The following MYO5B variants were observed in gnomAD, a reference collection of about 807,000 sequenced individuals.
MYO5B encodes the protein myosin VB, also known as unconventional myosin-Vb.
A neutral mutation model predicts 229.3 loss-of-function variants in MYO5B; 143 were observed. The ratio of observed to expected loss-of-function variants is 0.62; its 90% CI spans 0.54 to 0.72. The LOEUF (loss-of-function observed/expected upper bound fraction) is 0.72. Among genes scored for constraint, MYO5B ranks in the 30% least tolerant of loss-of-function variants. MYO5B has a pLI of 0.00. For synonymous variants in MYO5B, 918 were observed against 885.2 expected (o/e 1.04, Z -0.66); for missense variants, 2,321 against 2,331.0 (o/e 1.00, Z 0.09).
chr18:49,950,061 C>G (rs1182399738), intron 14 of MYO5B, among the ~76,000 whole-genome samples: 2 of 152,182 alleles, frequency 1.3e-5, no homozygotes, highest in Non-Finnish European at 2.9e-5. Flanking sequence ...GATACAGCAA[C>G]AATCTTTGCT....
At chr18:49,855,384 AC>A (rs1454793093) in intron 30 of MYO5B, among the ~76,000 whole-genome samples, 2 of 152,014 alleles carry the variant, frequency 1.3e-5, no homozygotes, top group Admixed American at 1.3e-4. Context: ...AGAAACCAGG[AC>A]TCTTGATTCA....
intron 12 of MYO5B, among the ~76,000 whole-genome samples, chr18:49,961,428 T>C (rs1018090031): frequency 2.0e-5 from 3 of 152,238 alleles, no homozygotes; most frequent in African/African-American, 2.4e-5. Flanking sequence ...GCAACAAAAC[T>C]AGGAGAGCCC....
rs914358377 is a variant in MYO5B, at chr18:50,139,019, C to A, written c.27+55748G>T. Among the ~76,000 whole-genome samples, 7 of 152,340 alleles carry A rather than the reference C, an allele frequency of 4.6e-5. No homozygotes were observed. The East Asian group carries it at 9.7e-4, about 21-fold the overall frequency. Reference sequence around the variant, plus strand: ...TCAACTAATAAACAATCCAAGTTAACCCATGCCAGTTACCTTCCCCAGATA... The same window carrying A: ...TCAACTAATAAACAATCCAAGTTAAACCATGCCAGTTACCTTCCCCAGATA... On this transcript the variant is annotated intron_variant, in intron 1 of 39. Transcript: ENST00000285039.
chr18:50,187,725 CAG>C (rs1323541447), intron 1 of MYO5B, among the ~76,000 whole-genome samples: 2 of 152,128 alleles, frequency 1.3e-5, no homozygotes, highest in East Asian at 3.9e-4. Flanking sequence ...CTATGTTGTC[CAG>C]GCTAGTCTCG....
chr18:50,139,725 C>T (rs534647422), intron 1 of MYO5B, among the ~76,000 whole-genome samples: 2 of 152,300 alleles, frequency 1.3e-5, no homozygotes, highest in African/African-American at 4.8e-5. Flanking sequence ...CTTCTATCCA[C>T]ATGTCCCGAG....
chr18:50,012,885 A>T (rs59163993), intron 4 of MYO5B, among the ~76,000 whole-genome samples: 1 of 152,182 alleles, frequency 6.6e-6, no homozygotes, highest in African/African-American at 2.4e-5. Context: ...GTCCAACCAC[A>T]GGAGAGGCTG....
intron 22 of MYO5B, among the ~76,000 whole-genome samples, chr18:49,881,214 G>C (rs1054935060): frequency 1.3e-5 from 2 of 152,274 alleles, no homozygotes; most frequent in African/African-American, 2.4e-5. Flanking sequence ...TTGTTTGCCT[G>C]TCTTGCTAAA....
chr18:49,890,231 C>T (rs866358564), intron 22 of MYO5B, among the ~76,000 whole-genome samples: 5 of 152,228 alleles, frequency 3.3e-5, no homozygotes, highest in African/African-American at 9.7e-5. Flanking sequence ...AGCCAAATGG[C>T]CCCCACTTTG....
rs188539887 is a variant in MYO5B at position 50,108,638 on chromosome 18, C to T, written c.28-53260G>A. 8.6e-4 allele frequency among the ~76,000 whole-genome samples: 131 copies of T among 152,188 alleles called. No homozygotes were observed. The East Asian group carries it at 9.5e-3, about 11-fold the overall frequency. On this transcript the variant is annotated intron_variant, in intron 1 of 39. Coordinates refer to ENST00000285039, the MANE Select transcript of MYO5B (RefSeq NM_001080467.3). ...AGAACAGGAAACTATGCAGATGGACCCCCGACAAACATGCATCCTTGACAA... is the reference window on the plus strand; with the variant it reads ...AGAACAGGAAACTATGCAGATGGACTCCCGACAAACATGCATCCTTGACAA...
chr18:50,073,618 C>T (rs1327660775), intron 1 of MYO5B, among the ~76,000 whole-genome samples: 2 of 152,098 alleles, frequency 1.3e-5, no homozygotes, highest in African/African-American at 4.8e-5. Flanking sequence ...ATGTATGCAG[C>T]TGAGCCCCCA....
intron 17 of MYO5B, among the ~76,000 whole-genome samples, chr18:49,919,923 C>T (rs1233886475): frequency 6.6e-6 from 1 of 152,230 alleles, no homozygotes; most frequent in African/African-American, 2.4e-5. Context: ...CATCCATCCA[C>T]TGATGAACAG....
At chr18:50,194,679 T>C in intron 1 of MYO5B, 88 bp downstream of exon 1, 2 of 945,004 alleles carry the variant, frequency 2.1e-6, no homozygotes, top group Non-Finnish European at 3.1e-6. Context: ...CCGCCTCCAG[T>C]AGCCGAGGGA....
At chr18:50,095,296 T>C (rs772597962) in intron 1 of MYO5B, among the ~76,000 whole-genome samples, 7 of 152,240 alleles carry the variant, frequency 4.6e-5, no homozygotes, top group South Asian at 2.1e-4. Context: ...TGCTTTGGTA[T>C]AGCTAGTAAT....
intron 1 of MYO5B, among the ~76,000 whole-genome samples, chr18:50,114,612 G>C (rs2031924145): frequency 6.6e-6 from 1 of 152,246 alleles, no homozygotes; most frequent in African/African-American, 2.4e-5. Context: ...AGCATGTTAA[G>C]TGTCAGCTGA....
intron 15 of MYO5B, 42 bp from the exon 16 acceptor site, chr18:49,936,391 C>T (rs749723642): frequency 9.9e-6 from 14 of 1,419,446 alleles, no homozygotes; most frequent in South Asian, 2.4e-5. Context: ...TTTAACAAGT[C>T]GTGGATGTGT....
At chr18:49,877,177 G>C (rs1438934246) in intron 25 of MYO5B, among the ~76,000 whole-genome samples, 2 of 152,182 alleles carry the variant, frequency 1.3e-5, no homozygotes, top group Non-Finnish European at 2.9e-5. Flanking sequence ...TCAAATGCCA[G>C]AGGAAAAATT....
chr18:49,851,954 G>C (rs2024205946), intron 31 of MYO5B, among the ~76,000 whole-genome samples: 1 of 152,136 alleles, frequency 6.6e-6, no homozygotes, highest in Non-Finnish European at 1.5e-5. Context: ...ACCACGTTCT[G>C]GAAGGAGTCT....
chr18:50,113,214 G>A (rs1425276010), intron 1 of MYO5B, among the ~76,000 whole-genome samples: 1 of 152,046 alleles, frequency 6.6e-6, no homozygotes, highest in East Asian at 1.9e-4. Context: ...CTAAGTACCG[G>A]GCATAAAACA....
intron 1 of MYO5B, chr18:50,098,723 A>G (rs571642028): frequency 1.3e-5 from 2 of 152,526 alleles, no homozygotes; most frequent in South Asian, 2.1e-4. Context: ...TGTATCATCA[A>G]TGTAATGACT....
Sources: allele counts gnomAD v4.1 joint callset (sites outside exome capture counted in the v4.1 genomes callset), GRCh38; gene constraint gnomAD v4.1.1; transcripts MANE v1.5; gene names NCBI Gene and HGNC (gene_info 2026-07-23, HGNC 2026-07-21).